TMCO4: variants seen among roughly 807,000 people sequenced by gnomAD.
TMCO4 encodes the protein transmembrane and coiled-coil domains 4.
TMCO4 carries 58 observed loss-of-function variants against 64.7 expected under a neutral mutation model. That is an observed-to-expected ratio of 0.90 (90% confidence interval 0.73 to 1.12). The LOEUF is 1.12. TMCO4 is among the 50% of genes most tolerant of loss of function. The pLI is 0.00. For missense variants in TMCO4, 780 were observed against 825.9 expected (o/e 0.94, Z 0.68); for synonymous variants, 325 against 346.1 (o/e 0.94, Z 0.68).
At position 19,711,887 on chromosome 1, in the gene TMCO4, C is replaced by T. The variant is rs982796277; in HGVS notation, c.1265-11002G>A. On this transcript the variant is annotated intron_variant, in intron 13 of 15. Transcript: ENST00000294543. The stretch of plus-strand genomic sequence containing the variant: ...GGTCAGGCTGGTCTCGAACTTCCGA[C>T]CTCAGGTGATCCACCCACCTTGGCC... 2.6e-5 allele frequency among the ~76,000 whole-genome samples: 4 copies of T among 152,154 alleles called. No homozygotes were observed. The East Asian group carries it at 7.7e-4, about 29-fold the overall frequency.
intron 7 of TMCO4, among the ~76,000 whole-genome samples, chr1:19,755,061 G>T (rs149753945): frequency 6.6e-6 from 1 of 152,312 alleles, no homozygotes; most frequent in Non-Finnish European, 1.5e-5. Context: ...GGAACAGGGT[G>T]TCAGGGCCCC....
At chr1:19,790,034 C>T (rs1015717124) in intron 2 of TMCO4, among the ~76,000 whole-genome samples, 2 of 137,596 alleles carry the variant, frequency 1.5e-5, no homozygotes, top group Non-Finnish European at 3.1e-5. Context: ...GCCTGGGTGA[C>T]AACAGAGTGA....
At chr1:19,745,446 C>T in intron 10 of TMCO4, 86 bp downstream of exon 10, 1 of 1,589,814 alleles carries the variant, frequency 6.3e-7, no homozygotes. Context: ...ATACCTGCTC[C>T]CTAGTGCAGG....
intron 13 of TMCO4, among the ~76,000 whole-genome samples, chr1:19,735,491 T>C (rs1164316999): frequency 6.6e-6 from 1 of 152,154 alleles, no homozygotes; most frequent in African/African-American, 2.4e-5. Context: ...AGGAAGCTGC[T>C]TTGGGAACCA....
chr1:19,781,641 CTTTTTTT>C (rs1202912744), intron 3 of TMCO4, among the ~76,000 whole-genome samples: 8 of 134,414 alleles, frequency 6.0e-5, no homozygotes, highest in South Asian at 2.3e-4. Flanking sequence ...ACAGAACTTT[CTTTTTTT>C]TTTTTTTTTT....
rs900143602 is a variant in TMCO4 at position 19,743,736 on chromosome 1, G to A, written c.877+1796C>T. Among the ~76,000 whole-genome samples, 8 of 152,132 alleles carry A rather than the reference G, an allele frequency of 5.3e-5. No homozygotes were observed. Among genetic ancestry groups the A allele is most frequent in the Non-Finnish European group, 8.8e-5 (6 of 68,020 alleles). ...TTGTTCTTGCTCCTTCCTGTAGCAC[G>A]GTAAAATGAAAACAAATGAAAAACC... On this transcript the variant is annotated intron_variant, in intron 10 of 15. Coordinates refer to ENST00000294543, the MANE Select transcript of TMCO4 (RefSeq NM_181719.7). The surrounding 1 kb of genome is among the most constrained non-coding windows in gnomAD (Gnocchi z 4.1).
At chr1:19,701,029 T>C (rs768530846) in intron 13 of TMCO4, 144 bp from the exon 14 acceptor site, 13 of 654,602 alleles carry the variant, frequency 2.0e-5, no homozygotes, top group Non-Finnish European at 3.4e-5. Flanking sequence ...CAAATGTGCA[T>C]GTACACACAT....
At chr1:19,750,815 G>T (rs763381812) in intron 7 of TMCO4, among the ~76,000 whole-genome samples, 2 of 152,228 alleles carry the variant, frequency 1.3e-5, no homozygotes, top group Non-Finnish European at 2.9e-5. Context: ...AGTCAGCCGA[G>T]ATGGGACATA....
rs139560473 is a variant in TMCO4 at position 19,751,701 on chromosome 1, G to A, written c.515+3933C>T. On this transcript the variant is annotated intron_variant, in intron 7 of 15. Transcript: ENST00000294543. ...CTTGGCTAAGGCACTCTCTCCTAAC[G>A]TTCAGCTGAATGGCCAATCTATTTC... 4.1e-3 allele frequency among the ~76,000 whole-genome samples: 631 copies of A among 152,214 alleles called. 3 individuals are homozygous for A. The highest frequency in any genetic ancestry group is 0.013 in the African/African-American group (545 of 41,532).
Position 19,781,396 on chromosome 1 carries a change from G to A in TMCO4, c.-8-630C>T, listed in dbSNP as rs143109277. ...GTGAGAGGATTGCTTAAGCCTAGGA[G>A]TTTAAGGCTGCAATGAGCTATGATC... On this transcript the variant is annotated intron_variant, in intron 3 of 15. Coordinates refer to ENST00000294543, the MANE Select transcript of TMCO4 (RefSeq NM_181719.7). Among the ~76,000 whole-genome samples the A allele has an allele frequency of 3.6e-4, 55 of 151,424 alleles. 1 individual carries two copies. In the East Asian group the frequency reaches 8.8e-3, roughly 24 times the overall value.
Position 19,774,160 on chromosome 1 carries a change from T to C in TMCO4, c.180-2678A>G, listed in dbSNP as rs1369736473. On this transcript the variant is annotated intron_variant, in intron 4 of 15. Coordinates refer to ENST00000294543, the MANE Select transcript of TMCO4 (RefSeq NM_181719.7). ...CTTGGGGTGGTAATGAGGTATGTAT[T>C]TGGGGAGGGGATGGCTAAGTAAACC... Among the ~76,000 whole-genome samples the C allele has an allele frequency of 2.6e-5, 4 of 152,150 alleles. No individual in the cohort carries two copies. The East Asian group carries it at 7.7e-4, about 29-fold the overall frequency.
chr1:19,682,363 A>G lies in TMCO4; in HGVS notation c.*677T>C, dbSNP rs949871495. 1.8e-4 allele frequency: 85 copies of G among 463,322 alleles called. No homozygotes were observed. Among genetic ancestry groups the G allele is most frequent in the African/African-American group, 1.6e-3 (81 of 52,048 alleles). The allele number at this position is 463,322 out of a possible 1,614,324, so 28.7% of individuals were successfully genotyped here. A position where few individuals can be genotyped will look rare whatever the true frequency, so the allele number is the denominator to read the frequency against. On this transcript the variant is annotated 3_prime_UTR_variant, in exon 16 of 16. Transcript: ENST00000294543. Reference sequence around the variant, plus strand: ...ACAGCCATACTGAATGCAATTCAGCATGTATTCACCATGCTCTGTTAGTGG... The same window carrying G: ...ACAGCCATACTGAATGCAATTCAGCGTGTATTCACCATGCTCTGTTAGTGG...
At chr1:19,688,715 C>A (rs116174918) in intron 15 of TMCO4, among the ~76,000 whole-genome samples, 5,470 of 152,286 alleles carry the variant, frequency 0.036, 354 homozygotes, top group African/African-American at 0.12. Flanking sequence ...CCTCAGTTTT[C>A]ACACCTGTAC....
At chr1:19,774,930 G>A (rs995949970) in intron 4 of TMCO4, among the ~76,000 whole-genome samples, 3 of 152,174 alleles carry the variant, frequency 2.0e-5, no homozygotes, top group Non-Finnish European at 4.4e-5. Context: ...CAGCTGCAGA[G>A]GTTACCCCAC....
intron 13 of TMCO4, among the ~76,000 whole-genome samples, chr1:19,720,255 G>A (rs1031088962): frequency 6.6e-6 from 1 of 152,084 alleles, no homozygotes; most frequent in South Asian, 2.1e-4. Context: ...CTCCCGCCTC[G>A]GCCTTCCAAA....
At chr1:19,698,878 C>T (rs1006761945) in intron 14 of TMCO4, among the ~76,000 whole-genome samples, 1 of 152,192 alleles carries the variant, frequency 6.6e-6, no homozygotes, top group African/African-American at 2.4e-5. Flanking sequence ...AATTCTTTCC[C>T]TTTGCTGTTT....
At chr1:19,735,417 C>T (rs1404217373) in intron 13 of TMCO4, among the ~76,000 whole-genome samples, 1 of 152,172 alleles carries the variant, frequency 6.6e-6, no homozygotes, top group Admixed American at 6.5e-5. Flanking sequence ...TATCAAAACC[C>T]AAAATCTCAG....
At chr1:19,689,342 C>T (rs1010143531) in intron 15 of TMCO4, among the ~76,000 whole-genome samples, 4 of 152,192 alleles carry the variant, frequency 2.6e-5, no homozygotes, top group African/African-American at 9.7e-5. Flanking sequence ...GAAGCTGCCA[C>T]GAAGACAGCC....
intron 5 of TMCO4, 77 bp downstream of exon 5, chr1:19,771,231 T>C: frequency 2.0e-6 from 3 of 1,517,676 alleles, no homozygotes; most frequent in East Asian, 4.5e-5. Context: ...CCACTAGAAG[T>C]GATTTTTTAG....
Sources: gnomAD v4.1 joint callset for allele counts (sites outside exome capture counted in the v4.1 genomes callset) on GRCh38, gnomAD v4.1.1 for gene constraint, Gnocchi (gnomAD v3.1) non-coding constraint, MANE v1.5 for transcripts, NCBI Gene and HGNC (gene_info 2026-07-23, HGNC 2026-07-21) for gene names.